FGF12: variants seen among roughly 807,000 people sequenced by gnomAD.
FGF12 encodes fibroblast growth factor 12B.
FGF12 carries 14 observed loss-of-function variants against 23.6 expected under a neutral mutation model. The observed-to-expected ratio is 0.59, with a 90% CI of 0.39 to 0.93. FGF12 has a LOEUF of 0.93. Among genes scored for constraint, FGF12 ranks in the 40% least tolerant of loss-of-function variants. The pLI is 0.00. For missense variants in FGF12, 175 were observed against 217.8 expected, an observed-to-expected ratio of 0.80 and a Z score of 1.24; for synonymous variants, 62 against 77.3, an observed-to-expected ratio of 0.80 and a Z score of 1.04.
At chr3:192,684,350 G>A (rs1300536577) in intron 2 of FGF12, among the ~76,000 whole-genome samples, 1 of 152,172 alleles carries the variant, frequency 6.6e-6, no homozygotes, top group Non-Finnish European at 1.5e-5. Flanking sequence ...ATCATCACGA[G>A]TGATTTGTTA....
intron 2 of FGF12, among the ~76,000 whole-genome samples, chr3:192,595,007 G>A (rs1713780911): frequency 6.8e-6 from 1 of 147,962 alleles, no homozygotes; most frequent in Non-Finnish European, 1.5e-5. Context: ...ACTTGTAGAA[G>A]ATTGAGTGAT....
intron 2 of FGF12, among the ~76,000 whole-genome samples, chr3:192,478,098 G>T (rs2043108518): frequency 6.6e-6 from 1 of 152,124 alleles, no homozygotes; most frequent in Non-Finnish European, 1.5e-5. Context: ...AAATCTCATT[G>T]CATTTTAGCT....
At chr3:192,144,611 A>G (rs1367118887) in intron 5 of FGF12, among the ~76,000 whole-genome samples, 1 of 152,252 alleles carries the variant, frequency 6.6e-6, no homozygotes, top group Non-Finnish European at 1.5e-5. Context: ...AAGGGAGGAC[A>G]GAGAAGAGGA....
At chr3:192,420,806 GCTA>G (rs1721502700) in intron 2 of FGF12, among the ~76,000 whole-genome samples, 1 of 152,120 alleles carries the variant, frequency 6.6e-6, no homozygotes. Flanking sequence ...CAAATGGGCT[GCTA>G]CACTTAATTA....
At chr3:192,146,900 T>C (rs763410286) in intron 5 of FGF12, among the ~76,000 whole-genome samples, 2 of 152,224 alleles carry the variant, frequency 1.3e-5, no homozygotes, top group African/African-American at 2.4e-5. Flanking sequence ...ATGTAAAATT[T>C]GCTCTTTTTC....
chr3:192,432,392 C>T (rs1449004471), intron 2 of FGF12, among the ~76,000 whole-genome samples: 1 of 151,882 alleles, frequency 6.6e-6, no homozygotes, highest in East Asian at 1.9e-4. Flanking sequence ...GATTCTCGTC[C>T]CCTAAAATGC....
chr3:192,159,943 AGTGTGTGTGTGTGTGTGT>A (rs10575323), intron 5 of FGF12, among the ~76,000 whole-genome samples: 2 of 149,218 alleles, frequency 1.3e-5, no homozygotes, highest in South Asian at 2.1e-4. Flanking sequence ...ATATTTAAGT[AGTGTGTGTGTGTGTGTGT>A]GTGTGTGTGT....
intron 2 of FGF12, among the ~76,000 whole-genome samples, chr3:192,500,905 A>G (rs1038129782): frequency 2.0e-5 from 3 of 152,202 alleles, no homozygotes; most frequent in African/African-American, 7.2e-5. Context: ...TCAAGATCGC[A>G]TAAGTGGTAC....
At position 192,526,191 on chromosome 3, in the gene FGF12, C is replaced by A. The variant is rs867657410; in HGVS notation, c.14-165653G>T. Reference sequence around the variant, plus strand: ...ACACCAACCCTTCAAAAATTGGATTCATTATCACCTCTGTCAATAAACCTT... The same window carrying A: ...ACACCAACCCTTCAAAAATTGGATTAATTATCACCTCTGTCAATAAACCTT... On this transcript the variant is annotated intron_variant, in intron 2 of 5. Transcript: ENST00000445105. 9.2e-5 allele frequency among the ~76,000 whole-genome samples: 14 copies of A among 152,260 alleles called. No individual in the cohort carries two copies. In the Middle Eastern group the frequency reaches 0.01, roughly 111 times the overall value.
At chr3:192,335,548 AAACC>A in intron 3 of FGF12, 84 bp from the exon 4 acceptor site, 2 of 862,826 alleles carry the variant, frequency 2.3e-6, no homozygotes, top group East Asian at 2.5e-5. Context: ...TTGAGAATTA[AAACC>A]TATTAATTGA....
At chr3:192,723,280 T>C (rs995682744) in intron 2 of FGF12, among the ~76,000 whole-genome samples, 18 of 152,160 alleles carry the variant, frequency 1.2e-4, no homozygotes, top group Non-Finnish European at 2.6e-4. Flanking sequence ...CAGTTTCTTT[T>C]TCATTTCATT....
At chr3:192,451,905 G>A (rs904002844) in intron 2 of FGF12, among the ~76,000 whole-genome samples, 1 of 152,190 alleles carries the variant, frequency 6.6e-6, no homozygotes, top group African/African-American at 2.4e-5. Flanking sequence ...CTGGTGATGC[G>A]TAAAGAGTTT....
At chr3:192,672,576 C>A (rs80024710) in intron 2 of FGF12, among the ~76,000 whole-genome samples, 5,189 of 151,042 alleles carry the variant, frequency 0.034, 351 homozygotes, top group African/African-American at 0.12. Flanking sequence ...TGAGAAGGCA[C>A]AGTTGTTTAT....
intron 2 of FGF12, among the ~76,000 whole-genome samples, chr3:192,622,873 G>A (rs1003173032): frequency 2.1e-4 from 32 of 152,158 alleles, no homozygotes; most frequent in African/African-American, 7.7e-4. Context: ...CAACCAAGGA[G>A]AGCAAGTCAG....
chr3:192,158,405 T>TCTTTCTCTCTCTTTC (rs1714622498), intron 5 of FGF12, among the ~76,000 whole-genome samples: 1 of 35,414 alleles, frequency 2.8e-5, no homozygotes, highest in South Asian at 1.4e-3. Context: ...CTCTTTCTTT[T>TCTTTCTCTCTCTTTC]TCTTTCTTTC....
Position 192,651,784 on chromosome 3 carries a change from A to T in FGF12, c.13+75397T>A, listed in dbSNP as rs183732635. 3.3e-5 allele frequency among the ~76,000 whole-genome samples: 5 copies of T among 152,298 alleles called. No homozygotes were observed. In the East Asian group the frequency reaches 9.6e-4, roughly 29 times the overall value. On this transcript the variant is annotated intron_variant, in intron 2 of 5. Coordinates refer to ENST00000445105, the MANE Select transcript of FGF12 (RefSeq NM_004113.6). ...TAATGCCTTGTTTAATCTTTGAAAC[A>T]CCGCTGAGAGTTAGGACCCTTTGAT...
rs76503834 is a variant in FGF12 at position 192,239,821 on chromosome 3, G to A, written c.229-69165C>T. On this transcript the variant is annotated intron_variant, in intron 4 of 5. Transcript: ENST00000445105. The stretch of plus-strand genomic sequence containing the variant: ...AGAAACTGGTTTCTGGTGCCAAGAA[G>A]GTTGGGGACTGTTGTGATAGACTAC... 5.3e-3 allele frequency among the ~76,000 whole-genome samples: 804 copies of A among 152,314 alleles called. 3 individuals carry two copies. The highest frequency in any genetic ancestry group is 0.019 in the African/African-American group (778 of 41,562).
intron 4 of FGF12, among the ~76,000 whole-genome samples, chr3:192,204,496 C>T (rs1485734332): frequency 6.6e-6 from 1 of 152,210 alleles, no homozygotes; most frequent in Admixed American, 6.5e-5. Context: ...TAAAGTGCCA[C>T]AATCCAGGCA....
chr3:192,484,283 C>T (rs1018860226), intron 2 of FGF12, among the ~76,000 whole-genome samples: 7 of 138,988 alleles, frequency 5.0e-5, no homozygotes, highest in Non-Finnish European at 1.1e-4. Flanking sequence ...ACTGGATGCT[C>T]TTTTAATCCA....
Sources: gnomAD v4.1 joint callset for allele counts (sites outside exome capture counted in the v4.1 genomes callset) on GRCh38, gnomAD v4.1.1 for gene constraint, MANE v1.5 for transcripts, NCBI Gene and HGNC (gene_info 2026-07-23, HGNC 2026-07-21) for gene names.